The following ARNT variants were observed in gnomAD, a reference collection of about 807,000 sequenced individuals.
ARNT encodes aryl hydrocarbon receptor nuclear translocator.
ARNT carries 30 observed loss-of-function variants against 105.0 expected under a neutral mutation model. The ratio of observed to expected loss-of-function variants is 0.29; its 90% CI spans 0.21 to 0.39. The LOEUF (loss-of-function observed/expected upper bound fraction) is 0.39. Among genes scored for constraint, ARNT ranks in the 10% least tolerant of loss-of-function variants. The probability of loss-of-function intolerance (pLI) is 1.00; values close to 1 mark genes in which losing one functional copy is unlikely to be tolerated. For synonymous variants in ARNT, 304 were observed against 344.0 expected, an observed-to-expected ratio of 0.88 and a Z score of 1.29; for missense variants, 748 against 978.7, an observed-to-expected ratio of 0.76 and a Z score of 3.15.
chr1:150,817,813 C>CA (rs35672926), intron 15 of ARNT, 107 bp downstream of exon 15: 235,679 of 678,826 alleles, frequency 0.35, 9,441 homozygotes, highest in Admixed American at 0.39. Context: ...AACTCCTTCT[C>CA]AAAAAAAAAA....
At chr1:150,862,966 G>A (rs180843995) in intron 1 of ARNT, among the ~76,000 whole-genome samples, 31 of 149,850 alleles carry the variant, frequency 2.1e-4, no homozygotes, top group African/African-American at 5.4e-4. Context: ...CAGAAGAATC[G>A]CTTGAACACA....
intron 7 of ARNT, among the ~76,000 whole-genome samples, chr1:150,835,229 CTTCT>C (rs763422140): frequency 2.6e-5 from 4 of 151,758 alleles, no homozygotes; most frequent in Middle Eastern, 6.9e-3. Flanking sequence ...ATCTGTTTGT[CTTCT>C]TTATTATACA....
intron 19 of ARNT, among the ~76,000 whole-genome samples, chr1:150,814,799 C>T (rs1161955471): frequency 6.6e-6 from 1 of 152,066 alleles, no homozygotes. Context: ...GCCAAGATCG[C>T]GCCACTGCAC....
chr1:150,828,458 A>G (rs914455241), intron 12 of ARNT, among the ~76,000 whole-genome samples: 3 of 151,652 alleles, frequency 2.0e-5, no homozygotes, highest in Non-Finnish European at 4.4e-5. Context: ...GTTGACAAGT[A>G]TAAGAATAGA....
intron 12 of ARNT, among the ~76,000 whole-genome samples, chr1:150,827,802 A>G (rs1325003325): frequency 6.6e-6 from 1 of 152,242 alleles, no homozygotes; most frequent in Non-Finnish European, 1.5e-5. Flanking sequence ...TCAGCAATGT[A>G]TGAGGGTTCC....
intron 8 of ARNT, among the ~76,000 whole-genome samples, chr1:150,833,904 G>GT (rs1659792943): frequency 6.6e-6 from 1 of 151,470 alleles, no homozygotes; most frequent in South Asian, 2.1e-4. Flanking sequence ...CAAACAGTAT[G>GT]TAACAGTGGG....
chr1:150,868,252 C>G (rs1006183619), intron 1 of ARNT, among the ~76,000 whole-genome samples: 2 of 151,894 alleles, frequency 1.3e-5, no homozygotes, highest in Non-Finnish European at 2.9e-5. Context: ...CTCAGGAATC[C>G]AAGACCAACG....
intron 1 of ARNT, among the ~76,000 whole-genome samples, chr1:150,862,608 G>A (rs1297873237): frequency 6.7e-6 from 1 of 150,276 alleles, no homozygotes; most frequent in Non-Finnish European, 1.5e-5. Context: ...AAGTGCAGTG[G>A]CTCATGCCTA....
intron 3 of ARNT, among the ~76,000 whole-genome samples, chr1:150,852,230 C>T (rs764902900): frequency 2.0e-5 from 3 of 152,172 alleles, no homozygotes; most frequent in Non-Finnish European, 4.4e-5. Context: ...ATATGACTTG[C>T]TTTGGCCAAT....
At position 150,810,341 on chromosome 1, in the gene ARNT, GATT is replaced by G. The variant is rs1654507916; in HGVS notation, c.*1677_*1679del. On this transcript the variant is annotated 3_prime_UTR_variant, in exon 22 of 22. Transcript: ENST00000358595. The stretch of plus-strand genomic sequence containing the variant: ...TAGTCCTGATCACATTTAAAAAGTC[GATT>G]ATTAAAAAACAAGGGTTCCATTGGA... 2 of 228,926 alleles carry G rather than the reference GATT, an allele frequency of 8.7e-6. No individual in the cohort carries two copies. Among genetic ancestry groups the G allele is most frequent in the African/African-American group, 4.4e-5 (2 of 45,200 alleles). 14.2% of individuals were successfully genotyped at this position (228,926 alleles called of 1,614,324 possible). A position where few individuals can be genotyped will look rare whatever the true frequency, so the allele number is the denominator to read the frequency against.
At chr1:150,815,863 C>CAAA (rs35003478) in intron 19 of ARNT, among the ~76,000 whole-genome samples, 7 of 121,970 alleles carry the variant, frequency 5.7e-5, no homozygotes, top group Admixed American at 8.6e-5. Flanking sequence ...GACTCTGTCT[C>CAAA]AAAAAAAAAA....
At chr1:150,863,798 A>G (rs1666075938) in intron 1 of ARNT, among the ~76,000 whole-genome samples, 1 of 152,076 alleles carries the variant, frequency 6.6e-6, no homozygotes, top group Admixed American at 6.6e-5. Context: ...CTGGGCAACA[A>G]GAGCAAAACT....
At chr1:150,817,788 G>T in intron 15 of ARNT, 132 bp downstream of exon 15, 1 of 693,108 alleles carries the variant, frequency 1.4e-6, no homozygotes, top group Non-Finnish European at 2.3e-6. Context: ...CATCCAGCCT[G>T]AGCAATGAGA....
At position 150,817,099 on chromosome 1, in the gene ARNT, T is replaced by C; in HGVS notation, c.1682A>G (p.Tyr561Cys). The change falls in exon 17 of 22, where the codon TAT becomes TGT. Residue 561 changes from tyrosine to cysteine, a missense_variant. Transcript: ENST00000358595. ...QDRDPRFSEIYHNINADQSKG... is the reference protein window; with the variant it reads ...QDRDPRFSEICHNINADQSKG... Reference sequence around the variant, plus strand: ...AAACATACCCGCATTGATGTTGTGATAGATTTCTGAAAATCTTGGATCTCT... The same window carrying C: ...AAACATACCCGCATTGATGTTGTGACAGATTTCTGAAAATCTTGGATCTCT... 6.2e-7 allele frequency: 1 copy of C among 1,614,174 alleles called. No homozygotes were observed. Among genetic ancestry groups the C allele is most frequent in the Non-Finnish European group, 8.5e-7 (1 of 1,180,032 alleles).
At chr1:150,828,624 C>T (rs941548948) in intron 12 of ARNT, among the ~76,000 whole-genome samples, 3 of 152,118 alleles carry the variant, frequency 2.0e-5, no homozygotes, top group Non-Finnish European at 2.9e-5. Context: ...CACATAGCCA[C>T]AGCCAGAAGT....
chr1:150,817,097 G>C lies in ARNT; in HGVS notation c.1684C>G (p.His562Asp). Residue 562 changes from histidine (H) to aspartate (D), a missense_variant, in exon 17 of 22, where the codon CAC becomes GAC. Physicochemically the swap from His to Asp is moderately conservative, Grantham distance 81. This residue lies in a region of ARNT where 360 missense variants were observed against 411.9 expected (regional missense o/e 0.87). Transcript: ENST00000358595. ...DRDPRFSEIYHNINADQSKGI... is the reference protein window; with the variant it reads ...DRDPRFSEIYDNINADQSKGI... ...AGAAACATACCCGCATTGATGTTGTGATAGATTTCTGAAAATCTTGGATCT... is the reference window on the plus strand; with the variant it reads ...AGAAACATACCCGCATTGATGTTGTCATAGATTTCTGAAAATCTTGGATCT... The C allele has an allele frequency of 6.2e-7, 1 of 1,614,126 alleles. No individual in the cohort carries two copies. Among genetic ancestry groups the C allele is most frequent in the Non-Finnish European group, 8.5e-7 (1 of 1,180,014 alleles).
At position 150,823,300 on chromosome 1, in the gene ARNT, G is replaced by A. The variant is rs1490590217; in HGVS notation, c.1288C>T (p.Arg430Trp). ...GQVLSVMFRF[R>W]SKNQEWLWMR... ...CAGAGCCATTCTTGGTTCTTAGACC[G>A]GAACCGGAACATGACAGACAGCACT... The change falls in exon 14 of 22, where the codon CGG (arginine) becomes TGG (tryptophan). Residue 430 changes from arginine to tryptophan, a missense_variant. By Grantham distance (101) the Arg-to-Trp change is moderately radical. Transcript: ENST00000358595. 9 of 1,613,650 alleles carry A rather than the reference G, an allele frequency of 5.6e-6. No homozygotes were observed. Among genetic ancestry groups the A allele is most frequent in the African/African-American group, 2.7e-5 (2 of 74,908 alleles).
At chr1:150,852,129 G>C (rs1009186433) in intron 3 of ARNT, among the ~76,000 whole-genome samples, 1 of 152,050 alleles carries the variant, frequency 6.6e-6, no homozygotes, top group Non-Finnish European at 1.5e-5. Context: ...GGGTATGACA[G>C]AGTCACAGAT....
chr1:150,851,327 C>T (rs1663472676), intron 3 of ARNT, among the ~76,000 whole-genome samples: 1 of 152,148 alleles, frequency 6.6e-6, no homozygotes, highest in Non-Finnish European at 1.5e-5. Context: ...TGAGGAGCCC[C>T]TCTGCCCGGC....
Sources: gnomAD v4.1 joint callset for allele counts (sites outside exome capture counted in the v4.1 genomes callset) on GRCh38, gnomAD v4.1.1 for gene constraint, gnomAD v4.1.1 regional missense constraint, MANE v1.5 for transcripts, NCBI Gene and HGNC (gene_info 2026-07-23, HGNC 2026-07-21) for gene names.